The following PAK4 variants were observed in gnomAD, a reference collection of about 807,000 sequenced individuals.
The protein encoded by PAK4 is p21 (RAC1) activated kinase 4.
PAK4 carries 49 observed loss-of-function variants against 53.5 expected under a neutral mutation model. The ratio of observed to expected loss-of-function variants is 0.92; its 90% CI spans 0.73 to 1.16. PAK4 has a LOEUF of 1.16. Ranked by LOEUF, PAK4 falls within the 50% of genes most tolerant of loss-of-function variation. The pLI is 0.00. For synonymous variants in PAK4, 376 were observed against 375.6 expected, an observed-to-expected ratio of 1.00 and a Z score of -0.01; for missense variants, 824 against 850.7, an observed-to-expected ratio of 0.97 and a Z score of 0.39.
chr19:39,172,839 C>A, intron 2 of PAK4, 79 bp from the exon 4 acceptor site: 1 of 1,205,042 alleles, frequency 8.3e-7, no homozygotes, highest in Non-Finnish European at 1.2e-6. Context: ...TCGTGCTGTC[C>A]TGTCCCTGCG....
Position 39,173,712 on chromosome 19 carries a change from C to CA in PAK4, c.801dup (p.Glu268ArgfsTer35). 1 of 1,580,258 alleles carries CA rather than the reference C, an allele frequency of 6.3e-7. No homozygotes were observed. Among genetic ancestry groups the CA allele is most frequent in the Admixed American group, 1.8e-5 (1 of 55,992 alleles). ...CCTGGAGTGCTGGGACCCCACGCCT[C>CA]AGAGCCCCAGCTGGCCCCTCCAGCC... On this transcript the variant is annotated frameshift_variant, in exon 4 of 9. Transcript: ENST00000358301. LOFTEE classifies it high-confidence loss of function. The surrounding 1 kb of genome is among the most constrained non-coding windows in gnomAD (Gnocchi z 6.9).
rs997187353 is a variant in PAK4, at chr19:39,161,546, C to T, written c.-22-7986C>T. 2.0e-5 allele frequency among the ~76,000 whole-genome samples: 3 copies of T among 152,034 alleles called. No homozygotes were observed. Among genetic ancestry groups the T allele is most frequent in the Non-Finnish European group, 4.4e-5 (3 of 67,990 alleles). ...TCCACTGGGCCATCACAGCCTCCTC[C>T]TCCCTGGTCCCCCTTTCCGTTCTGC... On this transcript the variant is annotated intron_variant, in intron 1 of 8. Transcript: ENST00000358301. The surrounding 1 kb of genome is among the most constrained non-coding windows in gnomAD (Gnocchi z 4.5).
At chr19:39,128,167 C>T (rs2073626392) in intron 1 of PAK4, among the ~76,000 whole-genome samples, 2 of 152,208 alleles carry the variant, frequency 1.3e-5, no homozygotes, top group African/African-American at 2.4e-5. Context: ...GCAAGATGGG[C>T]ATAGTGTTAG....
At chr19:39,171,736 A>G (rs2074484474) in intron 2 of PAK4, among the ~76,000 whole-genome samples, 2 of 152,028 alleles carry the variant, frequency 1.3e-5, no homozygotes, top group South Asian at 4.2e-4. Context: ...TTTTCCACAC[A>G]TTAGAGGCAG....
chr19:39,138,573 AGG>A (rs1431622230), intron 1 of PAK4, among the ~76,000 whole-genome samples: 1 of 152,120 alleles, frequency 6.6e-6, no homozygotes, highest in Non-Finnish European at 1.5e-5. Flanking sequence ...ATGATGTGGC[AGG>A]GAGTCTGTGC....
At position 39,175,227 on chromosome 19, in the gene PAK4, C is replaced by T. The variant is rs912593318; in HGVS notation, c.1233-85C>T. The T allele has an allele frequency of 3.9e-5, 58 of 1,487,644 alleles. No homozygotes were observed. In the African/African-American group the frequency reaches 6.6e-4, roughly 17 times the overall value. The allele number at this position is 1,487,644 out of a possible 1,614,324, so 92.2% of individuals were successfully genotyped here. Reference sequence around the variant, plus strand: ...AGTGGGGTCGAGTGGTCTCAGATTCCTCCCACTGCAAGGCAGGGCTGCGTC... The same window carrying T: ...AGTGGGGTCGAGTGGTCTCAGATTCTTCCCACTGCAAGGCAGGGCTGCGTC... On this transcript the variant is annotated intron_variant, in intron 5 of 8. Coordinates refer to ENST00000358301, the Ensembl canonical transcript of PAK4. This position sits in a 1 kb window ranked among gnomAD's most constrained non-coding sequence, Gnocchi z 4.7.
intron 1 of PAK4, among the ~76,000 whole-genome samples, chr19:39,145,503 C>T (rs1161775586): frequency 3.3e-5 from 5 of 151,762 alleles, no homozygotes; most frequent in Non-Finnish European, 4.4e-5. Flanking sequence ...CCCAGGAGGA[C>T]GCTCTGGGCT....
chr19:39,176,407 CA>C, intron 6 of PAK4, 182 bp from the exon 8 acceptor site: 2 of 751,544 alleles, frequency 2.7e-6, no homozygotes, highest in Non-Finnish European at 4.4e-6. Context: ...CGAGGGCCCC[CA>C]CCAGGAGGTG....
At chr19:39,181,104 TTTG>T (rs2074696468), downstream of PAK4, 1 of 148,490 alleles carries the variant, frequency 6.7e-6, no homozygotes, top group Non-Finnish European at 1.5e-5. Flanking sequence ...TTTGAGTTTT[TTTG>T]TTTTTTGTTT....
At chr19:39,154,964 T>C (rs574396112) in intron 1 of PAK4, among the ~76,000 whole-genome samples, 75 of 152,336 alleles carry the variant, frequency 4.9e-4, no homozygotes, top group African/African-American at 1.8e-3. Flanking sequence ...TTCCAGGCCC[T>C]GAGAGCAAGC....
rs1018031298 is a variant in PAK4 at position 39,134,631 on chromosome 19, G to A, written c.-23+8712G>A. Reference sequence around the variant, plus strand: ...TTTTTTTTCTTTGACACAGAGTCTCGCTCTGTCACCCAGGCTGGAGTGCAG... The same window carrying A: ...TTTTTTTTCTTTGACACAGAGTCTCACTCTGTCACCCAGGCTGGAGTGCAG... On this transcript the variant is annotated intron_variant, in intron 1 of 8. Transcript: ENST00000358301. 3.3e-5 allele frequency among the ~76,000 whole-genome samples: 5 copies of A among 151,482 alleles called. No individual in the cohort carries two copies. The South Asian group carries it at 6.2e-4, about 19-fold the overall frequency.
chr19:39,177,954 CAT>C (rs1183950106), intron 8 of PAK4, 145 bp downstream of exon 9: 4 of 935,516 alleles, frequency 4.3e-6, no homozygotes, highest in Admixed American at 3.0e-5. Flanking sequence ...CCCCGGGCCT[CAT>C]GTGTCTGTGC....
At chr19:39,128,301 TG>T (rs949174488) in intron 1 of PAK4, among the ~76,000 whole-genome samples, 1 of 152,164 alleles carries the variant, frequency 6.6e-6, no homozygotes, top group Non-Finnish European at 1.5e-5. Flanking sequence ...CACCACTGCC[TG>T]GGGAGGGCCT....
chr19:39,137,445 C>G (rs1333786395), intron 1 of PAK4, among the ~76,000 whole-genome samples: 2 of 152,082 alleles, frequency 1.3e-5, no homozygotes, highest in African/African-American at 4.8e-5. Context: ...GCCTGGGCCT[C>G]CCTGAAATCC....
intron 1 of PAK4, among the ~76,000 whole-genome samples, chr19:39,130,604 CCTGA>C (rs1248243062): frequency 6.6e-6 from 1 of 151,786 alleles, no homozygotes; most frequent in Non-Finnish European, 1.5e-5. Flanking sequence ...TGCTGTGCAC[CCTGA>C]CTGTGTGGTA....
chr19:39,158,731 C>T (rs949370360), intron 1 of PAK4, among the ~76,000 whole-genome samples: 1 of 152,170 alleles, frequency 6.6e-6, no homozygotes, highest in African/African-American at 2.4e-5. Flanking sequence ...ACTCTCTGCG[C>T]TGGGCAAGCC....
intron 1 of PAK4, among the ~76,000 whole-genome samples, chr19:39,141,614 C>G (rs1170872347): frequency 6.6e-6 from 1 of 151,470 alleles, no homozygotes; most frequent in Non-Finnish European, 1.5e-5. Flanking sequence ...CCGTACCCTG[C>G]CATAATCCTT....
At chr19:39,177,559 C>A in intron 7 of PAK4, 116 bp from the exon 9 acceptor site, 3 of 1,174,078 alleles carry the variant, frequency 2.6e-6, no homozygotes, top group Non-Finnish European at 3.5e-6. Context: ...GAGTTCTGGG[C>A]CAAGGACTCC....
chr19:39,147,165 C>G (rs1418907642), intron 1 of PAK4, among the ~76,000 whole-genome samples: 1 of 149,708 alleles, frequency 6.7e-6, no homozygotes, highest in Non-Finnish European at 1.5e-5. Context: ...CTACACCCTT[C>G]CCCTGCCCAT....
Sources: gnomAD v4.1 joint callset for allele counts (sites outside exome capture counted in the v4.1 genomes callset) on GRCh38, gnomAD v4.1.1 for gene constraint, Gnocchi (gnomAD v3.1) non-coding constraint, MANE v1.5 for transcripts, NCBI Gene and HGNC (gene_info 2026-07-23, HGNC 2026-07-21) for gene names.